ATP7B: variants seen among roughly 807,000 people sequenced by gnomAD.
The protein encoded by ATP7B is copper-transporting ATPase 2.
ATP7B carries 113 observed loss-of-function variants against 118.9 expected under a neutral mutation model. That is an observed-to-expected ratio of 0.95 (90% CI 0.82 to 1.11). ATP7B has a LOEUF of 1.11. Among genes scored for constraint, ATP7B ranks in the 50% most tolerant of loss-of-function variants. The pLI is 0.00. For missense variants in ATP7B, 1,867 were observed against 1,871.4 expected, an observed-to-expected ratio of 1.00 and a Z score of 0.04; for synonymous variants, 777 against 727.4, an observed-to-expected ratio of 1.07 and a Z score of -1.10.
At chr13:52,006,323 A>G (rs1953770431) in intron 1 of ATP7B, among the ~76,000 whole-genome samples, 1 of 152,142 alleles carries the variant, frequency 6.6e-6, no homozygotes, top group Non-Finnish European at 1.5e-5. Context: ...TCACGTAAAG[A>G]AGCACTTAAA....
chr13:52,006,887 T>C (rs1350026615), intron 1 of ATP7B, among the ~76,000 whole-genome samples: 1 of 152,132 alleles, frequency 6.6e-6, no homozygotes, highest in Non-Finnish European at 1.5e-5. Flanking sequence ...ACTGAAGGAA[T>C]TTTTCTGCCC....
intron 13 of ATP7B, among the ~76,000 whole-genome samples, chr13:51,944,822 G>A (rs1957548438): frequency 6.6e-6 from 1 of 152,180 alleles, no homozygotes; most frequent in African/African-American, 2.4e-5. Context: ...GTCACACTTA[G>A]TCAATGGCAG....
rs774679833 is a variant in ATP7B at position 52,011,381 on chromosome 13, CA to C, written c.-45del. 6.2e-7 allele frequency: 1 copy of C among 1,613,078 alleles called. No homozygotes were observed. The highest frequency in any genetic ancestry group is 1.6e-4 in the Middle Eastern group (1 of 6,062). ...AATTCTTCTCTGATCTGGCTCAGAG[CA>C]AAAGGTCACCTGGTCGGTGGAGGAG... On this transcript the variant is annotated 5_prime_UTR_variant, in exon 1 of 21. Coordinates refer to ENST00000242839, the MANE Select transcript of ATP7B (RefSeq NM_000053.4).
At chr13:51,987,823 T>C (rs1210937382) in intron 1 of ATP7B, among the ~76,000 whole-genome samples, 1 of 152,174 alleles carries the variant, frequency 6.6e-6, no homozygotes, top group African/African-American at 2.4e-5. Flanking sequence ...ATTCCCTATT[T>C]AATAAATGGT....
At chr13:51,957,428 T>C in intron 9 of ATP7B, 88 bp downstream of exon 9, 1 of 1,329,060 alleles carries the variant, frequency 7.5e-7, no homozygotes, top group Non-Finnish European at 1.1e-6. Flanking sequence ...CAAGGTCTAT[T>C]GCAATGTCAA....
In ATP7B at chr13:51,950,024, C is replaced by T; in HGVS notation, c.2713G>A (p.Glu905Lys). Residue 905 changes from glutamate (E) to lysine (K), a missense_variant, in exon 11 of 21, where the codon GAG becomes AAG. Glu to Lys is a moderately conservative substitution (Grantham distance 56, BLOSUM62 1). Coordinates refer to ENST00000242839, the MANE Select transcript of ATP7B (RefSeq NM_000053.4). ...TTCATTACCTTTGACATCTGAGCCT[C>T]TTCCACCAGTTTCACAATCTGAGCC... ...TLAQIVKLVEEAQMSKAPIQQ... is the reference protein window; with the variant it reads ...TLAQIVKLVEKAQMSKAPIQQ... The T allele has an allele frequency of 1.2e-6, 2 of 1,614,246 alleles. No individual in the cohort carries two copies. Among genetic ancestry groups the T allele is most frequent in the Non-Finnish European group, 1.7e-6 (2 of 1,180,042 alleles).
chr13:51,978,858 G>A (rs1952257724), intron 1 of ATP7B: 1 of 152,186 alleles, frequency 6.6e-6, no homozygotes, highest in East Asian at 1.9e-4. Context: ...GGGAAAGCTT[G>A]TCTCTTCTCC....
chr13:51,943,930 T>G lies in ATP7B; in HGVS notation c.3243+179A>C, dbSNP rs557154208. Among the ~76,000 whole-genome samples the G allele has an allele frequency of 0.037, 5,577 of 152,218 alleles. 345 individuals are homozygous for G. The highest frequency in any genetic ancestry group is 0.13 in the African/African-American group (5,372 of 41,490). ...ACACTGAACTCCCTTTGTGATAACC[T>G]GGAACTGTGGCAAGGGCTGACTGTG... On this transcript the variant is annotated intron_variant, in intron 14 of 20. Coordinates refer to ENST00000242839, the MANE Select transcript of ATP7B (RefSeq NM_000053.4).
intron 5 of ATP7B, 100 bp from the exon 6 acceptor site, chr13:51,962,013 GA>G: frequency 1.0e-6 from 1 of 989,174 alleles, no homozygotes; most frequent in Non-Finnish European, 1.6e-6. Flanking sequence ...ATTAGAAAGT[GA>G]ATCTAAAAGT....
rs1555283916 is a variant in ATP7B at position 51,937,579 on chromosome 13, T to A, written c.3800A>T (p.Asp1267Val). 6.2e-7 allele frequency: 1 copy of A among 1,614,192 alleles called. No homozygotes were observed. The highest frequency in any genetic ancestry group is 8.5e-7 in the Non-Finnish European group (1 of 1,180,020). Residue 1267 changes from aspartate (D) to valine (V), a missense_variant, in exon 18 of 21, where the codon GAT becomes GTT. Transcript: ENST00000242839. ...CAAGGCCGGGGAGTCATTGACCCCA[T>A]CCCCCACCATGGCGACTTTCTTCCC... ...NKGKKVAMVG[D>V]GVNDSPALAQ...
At position 51,970,907 on chromosome 13, in the gene ATP7B, C is replaced by A. The variant is rs1951810821; in HGVS notation, c.1286-158G>T. Among the ~76,000 whole-genome samples the A allele has an allele frequency of 2.0e-5, 3 of 151,914 alleles. 1 individual carries two copies. In the South Asian group the frequency reaches 6.2e-4, roughly 32 times the overall value. On this transcript the variant is annotated intron_variant, in intron 2 of 20. Transcript: ENST00000242839. ...AGTAACTACCTTGTCCCTCAGCCAT[C>A]CTGGAGGACAGAGCTCCCTGCTGTT...
chr13:51,968,947 G>A (rs1321540720), intron 3 of ATP7B, among the ~76,000 whole-genome samples: 1 of 145,270 alleles, frequency 6.9e-6, no homozygotes, highest in Non-Finnish European at 1.5e-5. Context: ...TGCAACCTCT[G>A]CCTCCAGGGT....
In ATP7B at chr13:51,932,999, C is replaced by A. The variant is rs1956784949; in HGVS notation, c.*1757G>T. On this transcript the variant is annotated 3_prime_UTR_variant, in exon 21 of 21. Coordinates refer to ENST00000242839, the MANE Select transcript of ATP7B (RefSeq NM_000053.4). The stretch of plus-strand genomic sequence containing the variant: ...GGGGGGGCTGAAAACAAGGAAAACA[C>A]AATCAACAGCGCGCTTGGATTTTAT... 6.6e-6 allele frequency: 1 copy of A among 152,130 alleles called. No individual in the cohort carries two copies. Among genetic ancestry groups the A allele is most frequent in the Non-Finnish European group, 1.5e-5 (1 of 68,036 alleles). The allele number at this position is 152,130 out of a possible 1,614,324, so 9.4% of individuals were successfully genotyped here.
chr13:51,967,493 C>T (rs1197065024), intron 4 of ATP7B, among the ~76,000 whole-genome samples: 1 of 152,144 alleles, frequency 6.6e-6, no homozygotes, highest in African/African-American at 2.4e-5. Context: ...CAGCAGAGAC[C>T]CTGCCCCTCT....
chr13:51,995,874 C>T (rs1953181360), intron 1 of ATP7B, among the ~76,000 whole-genome samples: 1 of 152,226 alleles, frequency 6.6e-6, no homozygotes, highest in African/African-American at 2.4e-5. Context: ...CACCCTCACC[C>T]AGTGCACACT....
chr13:52,007,895 G>A (rs1031232132), intron 1 of ATP7B, among the ~76,000 whole-genome samples: 1 of 152,122 alleles, frequency 6.6e-6, no homozygotes, highest in Non-Finnish European at 1.5e-5. Context: ...AAAAGATAGG[G>A]CAAAATATGG....
At chr13:51,994,380 C>T (rs1195425514) in intron 1 of ATP7B, among the ~76,000 whole-genome samples, 1 of 152,220 alleles carries the variant, frequency 6.6e-6, no homozygotes, top group African/African-American at 2.4e-5. Context: ...CCCAAACGGG[C>T]AGCCACTGAA....
At chr13:51,966,939 T>C (rs981092921) in intron 4 of ATP7B, 3 of 1,613,166 alleles carry the variant, frequency 1.9e-6, no homozygotes, top group Admixed American at 1.7e-5. Flanking sequence ...CACAGTTTTC[T>C]TGTACCCTGG....
chr13:51,984,789 A>T (rs556842475), intron 1 of ATP7B, among the ~76,000 whole-genome samples: 15 of 152,366 alleles, frequency 9.8e-5, no homozygotes, highest in Non-Finnish European at 1.8e-4. Flanking sequence ...ATAATTTTCA[A>T]CCCAGAATTT....
Sources: allele counts gnomAD v4.1 joint callset (sites outside exome capture counted in the v4.1 genomes callset), GRCh38; gene constraint gnomAD v4.1.1; transcripts MANE v1.5; gene names NCBI Gene and HGNC (gene_info 2026-07-23, HGNC 2026-07-21).